Variants in TSTD2 observed in about 807,000 individuals in gnomAD.
The protein encoded by TSTD2 is thiosulfate sulfurtransferase/rhodanese-like domain-containing protein 2.
TSTD2 carries 37 observed loss-of-function variants against 47.9 expected under a neutral mutation model. That is an observed-to-expected ratio of 0.77 (90% CI 0.59 to 1.02). The LOEUF (loss-of-function observed/expected upper bound fraction) is 1.02, where lower values mean the gene tolerates loss of function less well. Among genes scored for constraint, TSTD2 ranks in the 50% least tolerant of loss-of-function variants. The pLI, the probability that TSTD2 is intolerant of heterozygous loss-of-function variation, is 0.00. For missense variants in TSTD2, 586 were observed against 616.0 expected, an observed-to-expected ratio of 0.95 and a Z score of 0.52; for synonymous variants, 201 against 215.9, an observed-to-expected ratio of 0.93 and a Z score of 0.61.
Position 97,600,813 on chromosome 9 carries a change from CT to C in TSTD2, c.*1655del. Reference sequence around the variant, plus strand: ...TAGTATTAGTACTGCTGCCAGATCTCTTTTTAACATCATGTGCGTCTCTTGG... The same window carrying C: ...TAGTATTAGTACTGCTGCCAGATCTCTTTTAACATCATGTGCGTCTCTTGG... On this transcript the variant is annotated 3_prime_UTR_variant, in exon 10 of 10. Coordinates refer to ENST00000341170, the MANE Select transcript of TSTD2 (RefSeq NM_139246.5). 9.2e-7 allele frequency: 1 copy of C among 1,084,736 alleles called. No homozygotes were observed. 67.2% of individuals were successfully genotyped at this position (1,084,736 alleles called of 1,614,324 possible).
At chr9:97,603,054 G>GTT in intron 9 of TSTD2, 1 of 310,686 alleles carries the variant, frequency 3.2e-6, no homozygotes, top group East Asian at 6.6e-5. Flanking sequence ...GGTAATGAAA[G>GTT]TTTCTCTCTC....
rs942562126 is a variant in TSTD2 at position 97,626,115 on chromosome 9, T to C, written c.166-118A>G. On this transcript the variant is annotated intron_variant, in intron 2 of 9. Coordinates refer to ENST00000341170, the MANE Select transcript of TSTD2 (RefSeq NM_139246.5). ...CAGGGGCTTCTAGTTTTATGTTCCA[T>C]TATGTTATACAATTCTCTGAGAAGT... 3 of 965,088 alleles carry C rather than the reference T, an allele frequency of 3.1e-6. No homozygotes were observed. The African/African-American group carries it at 5.0e-5, about 16-fold the overall frequency. The allele number at this position is 965,088 out of a possible 1,614,324, so 59.8% of individuals were successfully genotyped here. A position where few individuals can be genotyped will look rare whatever the true frequency, so the allele number is the denominator to read the frequency against.
At chr9:97,604,937 C>G in intron 8 of TSTD2, 72 bp from the exon 9 acceptor site, 2 of 1,579,882 alleles carry the variant, frequency 1.3e-6, no homozygotes, top group Non-Finnish European at 1.7e-6. Context: ...GGAAGAACGG[C>G]GCATGGCGAG....
At chr9:97,609,146 ATTT>A (rs903012649) in intron 6 of TSTD2, among the ~76,000 whole-genome samples, 1 of 152,018 alleles carries the variant, frequency 6.6e-6, no homozygotes, top group Non-Finnish European at 1.5e-5. Context: ...TAAACTAATA[ATTT>A]TTTATATTGA....
intron 8 of TSTD2, 105 bp from the exon 9 acceptor site, chr9:97,604,970 T>C (rs747105994): frequency 2.3e-5 from 34 of 1,499,074 alleles, no homozygotes; most frequent in South Asian, 1.1e-4. Flanking sequence ...AGAGGACTCA[T>C]GGCCGCTGCT....
chr9:97,602,349 G>T lies in TSTD2; in HGVS notation c.*120C>A. Reference sequence around the variant, plus strand: ...GTGAAGTGTAGACGGCTGCCACGGTGGCAGCGGCCAGAACTGAAGTTCCCG... The same window carrying T: ...GTGAAGTGTAGACGGCTGCCACGGTTGCAGCGGCCAGAACTGAAGTTCCCG... On this transcript the variant is annotated 3_prime_UTR_variant, in exon 10 of 10. Transcript: ENST00000341170. 1 of 1,228,736 alleles carries T rather than the reference G, an allele frequency of 8.1e-7. No homozygotes were observed. The allele number at this position is 1,228,736 out of a possible 1,614,324, so 76.1% of individuals were successfully genotyped here.
Position 97,600,213 on chromosome 9 carries a change from G to C in TSTD2, c.*2256C>G, listed in dbSNP as rs1826222202. The C allele has an allele frequency of 1.0e-6, 1 of 994,300 alleles. No individual in the cohort carries two copies. 61.6% of individuals were successfully genotyped at this position (994,300 alleles called of 1,614,324 possible). Reference sequence around the variant, plus strand: ...ATTAAAGTTGCCAAATTGATTACTGGATCCAGAACACAATTTTCCCCTCAG... The same window carrying C: ...ATTAAAGTTGCCAAATTGATTACTGCATCCAGAACACAATTTTCCCCTCAG... On this transcript the variant is annotated 3_prime_UTR_variant, in exon 10 of 10. Transcript: ENST00000341170.
In TSTD2 at chr9:97,611,614, A is replaced by G; in HGVS notation, c.689T>C (p.Phe230Ser). The G allele has an allele frequency of 6.2e-7, 1 of 1,610,158 alleles. No homozygotes were observed. The highest frequency in any genetic ancestry group is 8.5e-7 in the Non-Finnish European group (1 of 1,176,564). ...ACACAGGTCATCCTTAAACAATGGG[A>G]AGGAAAGCATGACTTCCACATAAAG... Reference protein sequence around the residue: ...TRLYVEVMLSFPLFKDDLCKD... With the variant: ...TRLYVEVMLSSPLFKDDLCKD... Residue 230 changes from phenylalanine to serine, a missense_variant, in exon 5 of 10, where the codon TTC becomes TCC. By Grantham distance (155) the Phe-to-Ser change is radical (BLOSUM62 -2). Transcript: ENST00000341170.
intron 1 of TSTD2, among the ~76,000 whole-genome samples, chr9:97,631,533 A>G (rs1826811644): frequency 6.6e-6 from 1 of 152,210 alleles, no homozygotes; most frequent in Admixed American, 6.5e-5. Flanking sequence ...AAGCTGAACT[A>G]TCTTCCTCCT....
chr9:97,633,307 T>C lies in TSTD2; in HGVS notation c.-115A>G, dbSNP rs549791914. On this transcript the variant is annotated 5_prime_UTR_variant, in exon 1 of 10. Coordinates refer to ENST00000341170, the MANE Select transcript of TSTD2 (RefSeq NM_139246.5). ...ACTGTCTCCGCCTAGCAATTGTCAC[T>C]GCTCACCGCCCTCGAGCCTATTCCC... The C allele has an allele frequency of 9.9e-6, 3 of 303,308 alleles. No homozygotes were observed. Among genetic ancestry groups the C allele is most frequent in the Non-Finnish European group, 1.8e-5 (3 of 165,806 alleles). 18.8% of individuals were successfully genotyped at this position (303,308 alleles called of 1,614,324 possible).
chr9:97,601,537 C>A lies in TSTD2; in HGVS notation c.*932G>T. The A allele has an allele frequency of 1.0e-6, 1 of 989,426 alleles. No homozygotes were observed. The highest frequency in any genetic ancestry group is 1.2e-6 in the Non-Finnish European group (1 of 832,362). 61.3% of individuals were successfully genotyped at this position (989,426 alleles called of 1,614,324 possible). A position where few individuals can be genotyped will look rare whatever the true frequency, so the allele number is the denominator to read the frequency against. On this transcript the variant is annotated 3_prime_UTR_variant, in exon 10 of 10. Transcript: ENST00000341170. ...CCAAACCAACAGAAAATGAAGAAGGCCACATCTTTAAGGCCACCTCTGCCT... is the reference window on the plus strand; with the variant it reads ...CCAAACCAACAGAAAATGAAGAAGGACACATCTTTAAGGCCACCTCTGCCT...
chr9:97,631,510 A>G (rs1826811045), intron 1 of TSTD2, among the ~76,000 whole-genome samples: 1 of 152,186 alleles, frequency 6.6e-6, no homozygotes, highest in Admixed American at 6.5e-5. Context: ...ATTTGCAGCT[A>G]GAATTACTGC....
chr9:97,613,925 T>C (rs2131310544), intron 4 of TSTD2, among the ~76,000 whole-genome samples: 1 of 151,048 alleles, frequency 6.6e-6, no homozygotes, highest in Middle Eastern at 3.4e-3. Context: ...GCCTCCCAGG[T>C]TCACACCATT....
At chr9:97,605,025 T>G in intron 8 of TSTD2, 160 bp from the exon 9 acceptor site, 1 of 915,222 alleles carries the variant, frequency 1.1e-6, no homozygotes, top group South Asian at 5.0e-5. Flanking sequence ...ACTGAGGAAT[T>G]GCTGACCAAG....
chr9:97,617,545 A>C (rs1228668933), intron 4 of TSTD2, among the ~76,000 whole-genome samples: 2 of 152,238 alleles, frequency 1.3e-5, no homozygotes, highest in African/African-American at 4.8e-5. Flanking sequence ...CTTCAAGAAA[A>C]AGTTTGCTGA....
intron 4 of TSTD2, among the ~76,000 whole-genome samples, chr9:97,616,150 G>A (rs1183636822): frequency 1.3e-5 from 2 of 152,174 alleles, no homozygotes; most frequent in Non-Finnish European, 2.9e-5. Context: ...GGGTGTAGGA[G>A]AGTTCCTTGA....
At chr9:97,631,462 C>T (rs922722132) in intron 1 of TSTD2, among the ~76,000 whole-genome samples, 6 of 152,112 alleles carry the variant, frequency 3.9e-5, no homozygotes, top group Admixed American at 1.3e-4. Context: ...TCACTTTGCA[C>T]CACCATCTTT....
intron 3 of TSTD2, among the ~76,000 whole-genome samples, chr9:97,620,551 A>C (rs116915100): frequency 0.039 from 5,896 of 152,328 alleles, 174 homozygotes; most frequent in Non-Finnish European, 0.06. Context: ...GACGACAAGA[A>C]GATGTGGGAA....
At chr9:97,616,647 T>G (rs1232075875) in intron 4 of TSTD2, among the ~76,000 whole-genome samples, 1 of 152,112 alleles carries the variant, frequency 6.6e-6, no homozygotes, top group Non-Finnish European at 1.5e-5. Flanking sequence ...AAAACATGGA[T>G]GTGAAAAATA....
Sources: gnomAD v4.1 joint callset for allele counts (sites outside exome capture counted in the v4.1 genomes callset) on GRCh38, gnomAD v4.1.1 for gene constraint, MANE v1.5 for transcripts, NCBI Gene and HGNC (gene_info 2026-07-23, HGNC 2026-07-21) for gene names.